The following FOXP1 variants were observed in gnomAD, a reference collection of about 807,000 sequenced individuals.
FOXP1 encodes the protein forkhead box protein P1.
Under a neutral mutation model 98.2 loss-of-function variants are expected in FOXP1, and 15 were observed. The ratio of observed to expected loss-of-function variants is 0.15; its 90% CI spans 0.10 to 0.24. The LOEUF (loss-of-function observed/expected upper bound fraction) is 0.24. Among genes scored for constraint, FOXP1 ranks in the 10% least tolerant of loss-of-function variants. The probability of loss-of-function intolerance (pLI) is 1.00; values close to 1 mark genes in which losing one functional copy is unlikely to be tolerated. For synonymous variants in FOXP1, 371 were observed against 314.5 expected (o/e 1.18, Z -1.90); for missense variants, 633 against 848.5 (o/e 0.75, Z 3.15).
At position 71,268,428 on chromosome 3, in the gene FOXP1, T is replaced by TG. The variant is rs574713253; in HGVS notation, c.-12+31391dup. ...AAAAGCCCCAGAAGACTGGGAAAGT[T>TG]GGGGGGGTAGTGGGATATAATGAAG... On this transcript the variant is annotated intron_variant, in intron 5 of 20. Coordinates refer to ENST00000649528, the MANE Select transcript of FOXP1 (RefSeq NM_001349338.3). Among the ~76,000 whole-genome samples the TG allele has an allele frequency of 4.5e-3, 686 of 151,974 alleles. 7 individuals are homozygous for TG. Among genetic ancestry groups the TG allele is most frequent in the African/African-American group, 0.015 (625 of 41,474 alleles).
intron 6 of FOXP1, among the ~76,000 whole-genome samples, chr3:71,140,568 A>G (rs188227820): frequency 2.0e-5 from 3 of 152,334 alleles, no homozygotes; most frequent in African/African-American, 4.8e-5. Context: ...GCATTTATCA[A>G]TCTCACTTTA....
intron 3 of FOXP1, among the ~76,000 whole-genome samples, chr3:71,487,566 A>C (rs1256341253): frequency 6.6e-6 from 1 of 152,218 alleles, no homozygotes; most frequent in Non-Finnish European, 1.5e-5. Flanking sequence ...CCACATCTAC[A>C]CTCAGTAAAG....
chr3:71,302,793 T>C (rs1406442878), intron 4 of FOXP1: 1 of 152,158 alleles, frequency 6.6e-6, no homozygotes, highest in Non-Finnish European at 1.5e-5. Flanking sequence ...CAGTATCATT[T>C]ACCTGAAGTT....
chr3:71,506,228 T>C (rs967163177), intron 2 of FOXP1, among the ~76,000 whole-genome samples: 4 of 152,304 alleles, frequency 2.6e-5, no homozygotes, highest in Non-Finnish European at 5.9e-5. Flanking sequence ...GGTCCGATCC[T>C]GGCTGTGATA....
Position 71,198,231 on chromosome 3 carries a change from G to C in FOXP1, c.151C>G (p.Leu51Val), listed in dbSNP as rs781486254. The C allele has an allele frequency of 1.9e-6, 3 of 1,614,090 alleles. No homozygotes were observed. The highest frequency in any genetic ancestry group is 2.5e-6 in the Non-Finnish European group (3 of 1,180,040). The change falls in exon 6 of 21, where the codon CTC becomes GTC. Residue 51 changes from leucine to valine, a missense_variant. Physicochemically the swap from Leu to Val is conservative, Grantham distance 32. Coordinates refer to ENST00000649528, the MANE Select transcript of FOXP1 (RefSeq NM_001349338.3). ...TPAVDIGAAD[L>V]AHAQQQQQQA... ...TGCTGCTGCTGCTGGGCGTGGGCGA[G>C]GTCAGCTGCCCCGATGTCCACGGCC... is the stretch of plus-strand genomic sequence containing the variant.
Position 70,957,746 on chromosome 3 carries a change from T to G in FOXP1, c.*1501A>C. On this transcript the variant is annotated 3_prime_UTR_variant, in exon 21 of 21. Transcript: ENST00000649528. Reference sequence around the variant, plus strand: ...GGGCCTACATGATATCTTCTATGAGTTTTTGTGATACTGGGTTGGTGATAT... The same window carrying G: ...GGGCCTACATGATATCTTCTATGAGGTTTTGTGATACTGGGTTGGTGATAT... 4.3e-6 allele frequency: 1 copy of G among 233,196 alleles called. No individual in the cohort carries two copies. Among genetic ancestry groups the G allele is most frequent in the Non-Finnish European group, 8.5e-6 (1 of 117,902 alleles). The allele number at this position is 233,196 out of a possible 1,614,324, so 14.4% of individuals were successfully genotyped here.
At chr3:71,281,243 A>G (rs937788632) in intron 5 of FOXP1, among the ~76,000 whole-genome samples, 2 of 81,132 alleles carry the variant, frequency 2.5e-5, no homozygotes, top group Non-Finnish European at 5.6e-5. Context: ...AAAAATTTTA[A>G]AAAAAAAAAG....
intron 2 of FOXP1, chr3:71,541,992 C>T (rs746052233): frequency 3.7e-6 from 2 of 534,048 alleles, no homozygotes; most frequent in Admixed American, 3.9e-5. Context: ...TGAAAGAAAC[C>T]AGCAGTTTCC....
At chr3:71,004,593 T>C (rs896037215) in intron 12 of FOXP1, among the ~76,000 whole-genome samples, 1 of 152,170 alleles carries the variant, frequency 6.6e-6, no homozygotes, top group Non-Finnish European at 1.5e-5. Flanking sequence ...ATTACAGATA[T>C]AACTAAATAC....
intron 5 of FOXP1, among the ~76,000 whole-genome samples, chr3:71,206,411 C>G (rs576673431): frequency 6.6e-6 from 1 of 152,194 alleles, no homozygotes; most frequent in Admixed American, 6.5e-5. Flanking sequence ...TACAAAAACC[C>G]ATTGGAAACA....
chr3:71,324,478 A>T (rs759761440), intron 4 of FOXP1, among the ~76,000 whole-genome samples: 23 of 152,188 alleles, frequency 1.5e-4, no homozygotes, highest in Admixed American at 3.3e-4. Context: ...GACACGGATG[A>T]AGGTGGAAAT....
chr3:71,102,805 C>T (rs1258103227), intron 7 of FOXP1, among the ~76,000 whole-genome samples: 1 of 152,104 alleles, frequency 6.6e-6, no homozygotes, highest in African/African-American at 2.4e-5. Context: ...CAGGGAGAGG[C>T]AGTAGAGTGT....
intron 6 of FOXP1, among the ~76,000 whole-genome samples, chr3:71,164,989 A>G (rs1356573845): frequency 6.6e-6 from 1 of 152,196 alleles, no homozygotes; most frequent in Non-Finnish European, 1.5e-5. Context: ...TAGCCCTTAA[A>G]CAAATTTACA....
At chr3:71,198,432 G>GGGGGGGCCCCCCCCCCCCCC in intron 5 of FOXP1, 40 bp from the exon 6 acceptor site, 1 of 491,034 alleles carries the variant, frequency 2.0e-6, no homozygotes, top group Non-Finnish European at 4.0e-6. Context: ...GGGAGGGGGG[G>GGGGGGGCCCCCCCCCCCCCC]AGAAAAAAAA....
chr3:71,246,126 G>A (rs1339107297), intron 5 of FOXP1, among the ~76,000 whole-genome samples: 2 of 152,038 alleles, frequency 1.3e-5, no homozygotes, highest in Non-Finnish European at 2.9e-5. Flanking sequence ...GCAGCAGCGA[G>A]CCAGCTCTGG....
intron 11 of FOXP1, among the ~76,000 whole-genome samples, chr3:71,034,389 G>A (rs567889292): frequency 1.6e-4 from 24 of 152,120 alleles, no homozygotes; most frequent in African/African-American, 4.8e-4. Flanking sequence ...TGAGGGTCAG[G>A]GAAATCTCAG....
At chr3:71,474,956 G>A (rs1577712711) in intron 3 of FOXP1, among the ~76,000 whole-genome samples, 1 of 151,932 alleles carries the variant, frequency 6.6e-6, no homozygotes, top group African/African-American at 2.4e-5. Flanking sequence ...TAGTTTACAG[G>A]CCCTGCCCAC....
chr3:71,034,191 T>C (rs527894768), intron 11 of FOXP1, among the ~76,000 whole-genome samples: 7 of 152,302 alleles, frequency 4.6e-5, no homozygotes, highest in Admixed American at 3.3e-4. Context: ...TGGGGGCTTC[T>C]TCTAAATTAC....
intron 3 of FOXP1, among the ~76,000 whole-genome samples, chr3:71,397,012 A>ATATACACACATATATATATGTG (rs2081493995): frequency 3.3e-4 from 11 of 33,636 alleles, no homozygotes; most frequent in Non-Finnish European, 3.5e-4. Context: ...ATATGTGTAT[A>ATATACACACATATATATATGTG]TATATATATA....
Sources: allele counts gnomAD v4.1 joint callset (sites outside exome capture counted in the v4.1 genomes callset), GRCh38; gene constraint gnomAD v4.1.1; transcripts MANE v1.5; gene names NCBI Gene and HGNC (gene_info 2026-07-23, HGNC 2026-07-21).